The following ADRA1B variants were observed in gnomAD, a reference collection of about 807,000 sequenced individuals.
ADRA1B encodes adrenoceptor alpha 1B.
A neutral mutation model predicts 17.9 loss-of-function variants in ADRA1B; 17 were observed. The ratio of observed to expected loss-of-function variants is 0.95; its 90% CI spans 0.65 to 1.42. The LOEUF is 1.42. ADRA1B is among the 40% of genes most tolerant of loss of function. The pLI is 0.00. For synonymous variants in ADRA1B, 366 were observed against 327.6 expected (o/e 1.12, Z -1.27); for missense variants, 681 against 722.1 (o/e 0.94, Z 0.65).
chr5:159,884,162 T>A (rs1753897605), intron 1 of ADRA1B, among the ~76,000 whole-genome samples: 1 of 152,234 alleles, frequency 6.6e-6, no homozygotes, highest in African/African-American at 2.4e-5. Context: ...GCTTCAGGAT[T>A]GGGATGCAAA....
intron 1 of ADRA1B, among the ~76,000 whole-genome samples, chr5:159,933,038 C>T (rs1374826006): frequency 6.6e-6 from 1 of 152,064 alleles, no homozygotes; most frequent in African/African-American, 2.4e-5. Flanking sequence ...ATAAATATTA[C>T]CAGATTGTCT....
At chr5:159,899,240 G>GAGGA (rs1296220766) in intron 1 of ADRA1B, among the ~76,000 whole-genome samples, 73 of 105,508 alleles carry the variant, frequency 6.9e-4, no homozygotes, top group African/African-American at 2.4e-3. Context: ...AGGAGGGAGG[G>GAGGA]AGGAAGGAAG....
At chr5:159,916,039 T>G (rs183025710), upstream of ADRA1B, 3 of 152,296 alleles carry the variant, frequency 2.0e-5, no homozygotes, top group Non-Finnish European at 4.4e-5. Context: ...GGGAGCCAGA[T>G]GAAGGATGAG....
chr5:159,886,515 C>T (rs1753924186), intron 1 of ADRA1B, among the ~76,000 whole-genome samples: 1 of 152,142 alleles, frequency 6.6e-6, no homozygotes, highest in Admixed American at 6.6e-5. Context: ...CAGTGAGTCT[C>T]CCAAGCCAGG....
chr5:159,918,144 A>G (rs1561591362), intron 1 of ADRA1B, among the ~76,000 whole-genome samples: 1 of 152,234 alleles, frequency 6.6e-6, no homozygotes, highest in African/African-American at 2.4e-5. Flanking sequence ...AATAATTAAA[A>G]AGGATATTCA....
intron 1 of ADRA1B, chr5:159,951,463 T>G: frequency 1.4e-6 from 1 of 726,522 alleles, no homozygotes; most frequent in Non-Finnish European, 2.5e-6. Context: ...GCCCAATACA[T>G]CCAAATCCGT....
chr5:159,967,577 G>A lies in ADRA1B; in HGVS notation c.950-4302G>A, dbSNP rs571508796. ...CCATTTTACAGATGGGAAAATTGAG[G>A]CTGAGATGGCTAATTAACTCTTCTA... On this transcript the variant is annotated intron_variant, in intron 1 of 1. Transcript: ENST00000306675. 3.9e-5 allele frequency among the ~76,000 whole-genome samples: 6 copies of A among 152,278 alleles called. No individual in the cohort carries two copies. In the South Asian group the frequency reaches 1.2e-3, roughly 32 times the overall value.
At chr5:159,873,467 A>C (rs1266171727) in intron 1 of ADRA1B, among the ~76,000 whole-genome samples, 2 of 152,206 alleles carry the variant, frequency 1.3e-5, no homozygotes, top group Non-Finnish European at 1.5e-5. Flanking sequence ...CCCTGACAGC[A>C]CATACCCAAT....
At chr5:159,911,046 C>G (rs1298939723) in intron 1 of ADRA1B, among the ~76,000 whole-genome samples, 1 of 152,148 alleles carries the variant, frequency 6.6e-6, no homozygotes, top group African/African-American at 2.4e-5. Context: ...TCTATCAGCT[C>G]CCTGCCCTGG....
At chr5:159,890,779 C>T (rs555461438) in intron 1 of ADRA1B, among the ~76,000 whole-genome samples, 1 of 152,356 alleles carries the variant, frequency 6.6e-6, no homozygotes, top group African/African-American at 2.4e-5. Context: ...GTCAAGGCAG[C>T]TACAGAGACT....
chr5:159,919,458 C>A (rs993407427), intron 1 of ADRA1B, among the ~76,000 whole-genome samples: 1 of 152,324 alleles, frequency 6.6e-6, no homozygotes, highest in African/African-American at 2.4e-5. Context: ...CCTGTATGAG[C>A]CTCAGTTTCT....
intron 1 of ADRA1B, among the ~76,000 whole-genome samples, chr5:159,872,978 A>C (rs184325025): frequency 4.2e-3 from 467 of 112,242 alleles, no homozygotes; most frequent in African/African-American, 0.015. Flanking sequence ...CCCTATGTCC[A>C]TGTGTTCTCA....
At chr5:159,889,161 G>T (rs558747673) in intron 1 of ADRA1B, among the ~76,000 whole-genome samples, 42 of 152,288 alleles carry the variant, frequency 2.8e-4, no homozygotes, top group African/African-American at 1.0e-3. Flanking sequence ...AAGGGAGCCT[G>T]GGGTCGGTGG....
At chr5:159,973,339 C>T (rs1755922679), downstream of ADRA1B, among the ~76,000 whole-genome samples, 1 of 152,176 alleles carries the variant, frequency 6.6e-6, no homozygotes, top group South Asian at 2.1e-4. Context: ...TCCTGCGGCT[C>T]CTTCCTGCTG....
At chr5:159,966,929 T>C (rs1189258975) in intron 1 of ADRA1B, among the ~76,000 whole-genome samples, 4 of 152,318 alleles carry the variant, frequency 2.6e-5, no homozygotes, top group African/African-American at 7.2e-5. Flanking sequence ...ATGCAGCCCT[T>C]GTGGGGTGGG....
intron 1 of ADRA1B, among the ~76,000 whole-genome samples, chr5:159,904,004 A>T (rs898999528): frequency 6.6e-6 from 1 of 152,182 alleles, no homozygotes; most frequent in African/African-American, 2.4e-5. Flanking sequence ...GTGTGTAAAT[A>T]CTAGAAAGCA....
At chr5:159,934,177 A>C (rs1434753372) in intron 1 of ADRA1B, among the ~76,000 whole-genome samples, 2 of 152,196 alleles carry the variant, frequency 1.3e-5, no homozygotes, top group Non-Finnish European at 2.9e-5. Flanking sequence ...GGCATAATTT[A>C]ATCCTACCCT....
intron 1 of ADRA1B, among the ~76,000 whole-genome samples, chr5:159,873,822 GAT>G (rs778199320): frequency 1.8e-4 from 27 of 152,258 alleles, no homozygotes; most frequent in Middle Eastern, 3.4e-3. Context: ...AACAAATGGA[GAT>G]ACCATGAAAT....
rs117007237 is a variant in ADRA1B at position 159,930,494 on chromosome 5, G to A, written c.949+12640G>A. ...AAATATAAAAATTAGCCAGAGAATC[G>A]CTTGTACGCAGGAGGCGGAGGTTGC... On this transcript the variant is annotated intron_variant, in intron 1 of 1. Coordinates refer to ENST00000306675, the MANE Select transcript of ADRA1B (RefSeq NM_000679.4). Among the ~76,000 whole-genome samples the A allele has an allele frequency of 7.2e-3, 1,093 of 152,272 alleles. 65 individuals carry two copies. The East Asian group carries it at 0.13, about 18-fold the overall frequency.
Sources: gnomAD v4.1 joint callset for allele counts (sites outside exome capture counted in the v4.1 genomes callset) on GRCh38, gnomAD v4.1.1 for gene constraint, MANE v1.5 for transcripts, NCBI Gene and HGNC (gene_info 2026-07-23, HGNC 2026-07-21) for gene names.